Variants in DNAH11 observed in about 807,000 individuals in gnomAD.
DNAH11 encodes dynein axonemal heavy chain 11.
DNAH11 carries 442 observed loss-of-function variants against 526.0 expected under a neutral mutation model. The ratio of observed to expected loss-of-function variants is 0.84; its 90% CI spans 0.78 to 0.91. The LOEUF is 0.91. Among genes scored for constraint, DNAH11 ranks in the 40% least tolerant of loss-of-function variants. The pLI is 0.00. For missense variants in DNAH11, 6,989 were observed against 5,448.7 expected (o/e 1.28, Z -8.90); for synonymous variants, 2,461 against 1,935.9 (o/e 1.27, Z -7.12).
intron 14 of DNAH11, among the ~76,000 whole-genome samples, chr7:21,593,107 C>T (rs73070444): frequency 2.6e-5 from 4 of 151,900 alleles, no homozygotes; most frequent in South Asian, 2.1e-4. Context: ...AAACTAGCCT[C>T]GAAGTCCTCC....
intron 45 of DNAH11, among the ~76,000 whole-genome samples, chr7:21,735,271 G>C (rs1161286099): frequency 2.0e-5 from 3 of 152,342 alleles, no homozygotes; most frequent in Non-Finnish European, 4.4e-5. Context: ...GTTGTAGATA[G>C]TTTCTTATAT....
At chr7:21,598,734 C>A (rs1002007757) in intron 14 of DNAH11, among the ~76,000 whole-genome samples, 1 of 152,184 alleles carries the variant, frequency 6.6e-6, no homozygotes. Context: ...CCTCTCCCTC[C>A]TTCCAATCCT....
chr7:21,567,729 G>C (rs1783729908), intron 6 of DNAH11, among the ~76,000 whole-genome samples: 1 of 152,234 alleles, frequency 6.6e-6, no homozygotes. Flanking sequence ...GTCAGAGTCG[G>C]AAACTCTTTG....
At chr7:21,734,799 A>G (rs934486151) in intron 45 of DNAH11, among the ~76,000 whole-genome samples, 3 of 152,052 alleles carry the variant, frequency 2.0e-5, no homozygotes, top group African/African-American at 7.2e-5. Flanking sequence ...TCAAGGCTGC[A>G]GTTAGCCATC....
intron 66 of DNAH11, among the ~76,000 whole-genome samples, chr7:21,846,292 C>T (rs370222482): frequency 1.3e-4 from 20 of 152,230 alleles, no homozygotes; most frequent in African/African-American, 4.8e-4. Flanking sequence ...AACCTTGCCT[C>T]GTTCCTGATC....
intron 73 of DNAH11, among the ~76,000 whole-genome samples, chr7:21,872,497 A>C (rs1213950525): frequency 6.6e-6 from 1 of 152,166 alleles, no homozygotes; most frequent in African/African-American, 2.4e-5. Flanking sequence ...GTGACATTTC[A>C]ATTACTGTAT....
At chr7:21,716,692 C>T (rs1784678039) in intron 42 of DNAH11, among the ~76,000 whole-genome samples, 1 of 152,166 alleles carries the variant, frequency 6.6e-6, no homozygotes, top group Non-Finnish European at 1.5e-5. Context: ...GCACTGACAC[C>T]TGCTTTCCAT....
intron 44 of DNAH11, among the ~76,000 whole-genome samples, chr7:21,722,948 T>G (rs963815144): frequency 6.6e-6 from 1 of 152,144 alleles, no homozygotes; most frequent in Non-Finnish European, 1.5e-5. Flanking sequence ...TTTTAATCTT[T>G]CCAGTTTCCA....
At chr7:21,842,830 T>G in intron 66 of DNAH11, 82 bp downstream of exon 66, 1 of 1,230,456 alleles carries the variant, frequency 8.1e-7, no homozygotes, top group Non-Finnish European at 1.1e-6. Flanking sequence ...AAGTATAAAA[T>G]AGGATTCCTG....
intron 62 of DNAH11, among the ~76,000 whole-genome samples, chr7:21,802,438 T>TACC (rs926844678): frequency 2.0e-5 from 3 of 152,124 alleles, no homozygotes; most frequent in African/African-American, 7.2e-5. Flanking sequence ...AACATAAAGT[T>TACC]ACCACATGAT....
chr7:21,874,757 C>T (rs993989706), intron 74 of DNAH11, among the ~76,000 whole-genome samples: 3 of 151,942 alleles, frequency 2.0e-5, no homozygotes. Context: ...CCAAACTATC[C>T]TATCTATCAA....
chr7:21,589,303 G>A lies in DNAH11; in HGVS notation c.2069G>A (p.Trp690Ter), dbSNP rs1784592491. 2 of 1,610,224 alleles carry A rather than the reference G, an allele frequency of 1.2e-6. No homozygotes were observed. Among genetic ancestry groups the A allele is most frequent in the East Asian group, 4.5e-5 (2 of 44,590 alleles). ...DQFESRIYNE[W>*]KSNVDEICEF... ...TTTGAAAGTCGTATCTATAATGAAT[G>A]GAAAAGTAATGTGGATGAAATCTGT... The change falls in exon 12 of 82, where the codon TGG (tryptophan) becomes TAG (stop). Residue 690 changes from tryptophan (W) to a stop codon, truncating the protein, a stop_gained. Coordinates refer to ENST00000409508, the MANE Select transcript of DNAH11 (RefSeq NM_001277115.2). LOFTEE classifies it high-confidence loss of function.
chr7:21,719,419 A>C (rs565147085), intron 43 of DNAH11, among the ~76,000 whole-genome samples: 1 of 152,346 alleles, frequency 6.6e-6, no homozygotes, highest in East Asian at 1.9e-4. Context: ...ATATATTTCA[A>C]GTACTGTGGG....
chr7:21,863,775 C>T (rs191208809), intron 69 of DNAH11, among the ~76,000 whole-genome samples: 46 of 152,148 alleles, frequency 3.0e-4, no homozygotes, highest in Middle Eastern at 6.8e-3. Flanking sequence ...TGGATAATTA[C>T]GTTTGTTGAA....
chr7:21,666,387 T>G (rs1414607950), intron 30 of DNAH11, among the ~76,000 whole-genome samples: 1 of 152,116 alleles, frequency 6.6e-6, no homozygotes, highest in Non-Finnish European at 1.5e-5. Flanking sequence ...CCTCTTTTAT[T>G]ATTGAGCTGT....
chr7:21,759,197 C>T (rs932714576), intron 54 of DNAH11, among the ~76,000 whole-genome samples: 1 of 152,172 alleles, frequency 6.6e-6, no homozygotes, highest in South Asian at 2.1e-4. Flanking sequence ...ATTCCACACA[C>T]AATTTTCTTC....
At chr7:21,808,720 G>A (rs570045376) in intron 63 of DNAH11, among the ~76,000 whole-genome samples, 2 of 152,132 alleles carry the variant, frequency 1.3e-5, no homozygotes, top group Non-Finnish European at 2.9e-5. Context: ...GGATTTCATT[G>A]TTTTTATGGC....
intron 30 of DNAH11, among the ~76,000 whole-genome samples, chr7:21,668,427 G>A (rs554029449): frequency 6.6e-6 from 1 of 152,100 alleles, no homozygotes; most frequent in Non-Finnish European, 1.5e-5. Context: ...TTGTAACACA[G>A]CTCATTGCAT....
intron 56 of DNAH11, 62 bp downstream of exon 56, chr7:21,774,061 C>T (rs2127979390): frequency 1.5e-6 from 2 of 1,362,998 alleles, no homozygotes; most frequent in Admixed American, 2.8e-5. Context: ...AAATATATTT[C>T]CTTTTGAAGC....
Sources: gnomAD v4.1 joint callset for allele counts (sites outside exome capture counted in the v4.1 genomes callset) on GRCh38, gnomAD v4.1.1 for gene constraint, MANE v1.5 for transcripts, NCBI Gene and HGNC (gene_info 2026-07-23, HGNC 2026-07-21) for gene names.